The following SULF1 variants were observed in gnomAD, a reference collection of about 807,000 sequenced individuals.
SULF1 encodes extracellular sulfatase Sulf-1.
A neutral mutation model predicts 110.5 loss-of-function variants in SULF1; 46 were observed. That is an observed-to-expected ratio of 0.42 (90% CI 0.33 to 0.53). The LOEUF (loss-of-function observed/expected upper bound fraction) is 0.53, where lower values mean the gene tolerates loss of function less well. SULF1 is among the 20% of genes least tolerant of loss of function. SULF1 has a pLI of 0.12. For synonymous variants in SULF1, 371 were observed against 387.1 expected (o/e 0.96, Z 0.49); for missense variants, 941 against 1,094.2 (o/e 0.86, Z 1.98).
intron 1 of SULF1, among the ~76,000 whole-genome samples, chr8:69,469,672 C>A (rs543149464): frequency 2.0e-5 from 3 of 152,158 alleles, no homozygotes; most frequent in Non-Finnish European, 4.4e-5. Context: ...TATTTCCTTC[C>A]CTAATTATGT....
chr8:69,490,597 G>T (rs575060798), upstream of SULF1, among the ~76,000 whole-genome samples: 20 of 152,178 alleles, frequency 1.3e-4, no homozygotes, highest in East Asian at 2.1e-3. Context: ...CACTGCCAAG[G>T]TTCCTGAAGT....
chr8:69,561,582 A>C (rs1005131101), intron 3 of SULF1, among the ~76,000 whole-genome samples: 1 of 152,224 alleles, frequency 6.6e-6, no homozygotes, highest in Non-Finnish European at 1.5e-5. Context: ...TGATTATTTA[A>C]ACTCAAATGC....
Position 69,586,214 on chromosome 8 carries a change from C to T in SULF1, c.413-143C>T, listed in dbSNP as rs1806450615. The T allele has an allele frequency of 4.1e-6, 3 of 725,592 alleles. No homozygotes were observed. The East Asian group carries it at 8.6e-5, about 21-fold the overall frequency. 44.9% of individuals were successfully genotyped at this position (725,592 alleles called of 1,614,324 possible). A position where few individuals can be genotyped will look rare whatever the true frequency, so the allele number is the denominator to read the frequency against. On this transcript the variant is annotated intron_variant, in intron 6 of 22. Transcript: ENST00000402687. Reference sequence around the variant, plus strand: ...ACTTTGCCAAAGGATTGGAGTATTACACTAATGTCATTTTGGCATTCACTA... The same window carrying T: ...ACTTTGCCAAAGGATTGGAGTATTATACTAATGTCATTTTGGCATTCACTA...
At chr8:69,491,191 T>C (rs1398530851), upstream of SULF1, among the ~76,000 whole-genome samples, 2 of 152,154 alleles carry the variant, frequency 1.3e-5, no homozygotes, top group African/African-American at 4.8e-5. Flanking sequence ...ATGTTACTTT[T>C]ACCAAAAAAT....
At chr8:69,500,234 AT>A (rs1487781137) in intron 2 of SULF1, among the ~76,000 whole-genome samples, 2 of 152,212 alleles carry the variant, frequency 1.3e-5, no homozygotes, top group Non-Finnish European at 2.9e-5. Context: ...TTGAACCCTT[AT>A]TTTGTGCTAG....
At chr8:69,605,076 C>A in intron 13 of SULF1, 144 bp downstream of exon 13, 1 of 1,139,410 alleles carries the variant, frequency 8.8e-7, no homozygotes. Flanking sequence ...TGAGACACCT[C>A]TCCGCGGACA....
intron 3 of SULF1, among the ~76,000 whole-genome samples, chr8:69,548,997 A>G (rs1185479965): frequency 6.6e-6 from 1 of 152,148 alleles, no homozygotes; most frequent in Non-Finnish European, 1.5e-5. Context: ...AGGAGAGCGG[A>G]ACTTATACCC....
rs1197822345 is a variant in SULF1 at position 69,616,230 on chromosome 8, ATT to A, written c.1378-4799_1378-4798del. Among the ~76,000 whole-genome samples the A allele has an allele frequency of 3.0e-3, 416 of 139,992 alleles. 3 individuals carry two copies. Among genetic ancestry groups the A allele is most frequent in the Non-Finnish European group, 5.0e-3 (322 of 64,918 alleles). 91.8% of individuals were successfully genotyped at this position (139,992 alleles called of 152,430 possible). A position where few individuals can be genotyped will look rare whatever the true frequency, so the allele number is the denominator to read the frequency against. ...TGTGTGTATATATATATATATATATATTTTTTTGAGACGGAGTCTTGCTCTGT... is the reference window on the plus strand; with the variant it reads ...TGTGTGTATATATATATATATATATATTTTTGAGACGGAGTCTTGCTCTGT... On this transcript the variant is annotated intron_variant, in intron 13 of 22. Coordinates refer to ENST00000402687, the MANE Select transcript of SULF1 (RefSeq NM_001128205.2).
At chr8:69,580,859 T>A (rs1387398013) in intron 6 of SULF1, among the ~76,000 whole-genome samples, 2 of 152,188 alleles carry the variant, frequency 1.3e-5, no homozygotes, top group Non-Finnish European at 2.9e-5. Flanking sequence ...AATACAATAT[T>A]GGATCAAAAA....
chr8:69,581,821 C>T (rs1162704902), intron 6 of SULF1, among the ~76,000 whole-genome samples: 1 of 152,100 alleles, frequency 6.6e-6, no homozygotes, highest in Non-Finnish European at 1.5e-5. Flanking sequence ...GTCTCAATGT[C>T]ATGAGGCAAC....
chr8:69,653,547 G>C (rs1812513453), intron 22 of SULF1, among the ~76,000 whole-genome samples: 1 of 152,358 alleles, frequency 6.6e-6, no homozygotes. Context: ...ACGGCATGTG[G>C]TTGCATTCAC....
In SULF1 at chr8:69,554,987, AAAAAAAAAAAAC is replaced by A. The variant is rs1424751086; in HGVS notation, c.-133-8540_-133-8529del. Among the ~76,000 whole-genome samples, 147 of 100,776 alleles carry A rather than the reference AAAAAAAAAAAAC, an allele frequency of 1.5e-3. 1 individual carries two copies. The highest frequency in any genetic ancestry group is 5.9e-3 in the African/African-American group (122 of 20,854). The allele number at this position is 100,776 out of a possible 152,430, so 66.1% of individuals were successfully genotyped here. ...GGGCGAGATTCCATCTCAAAAAAAA[AAAAAAAAAAAAC>A]AAAAAAAAAAAACTTCATACATAAA... is the stretch of plus-strand genomic sequence containing the variant. On this transcript the variant is annotated intron_variant, in intron 3 of 22. Transcript: ENST00000402687.
chr8:69,578,504 TC>T (rs1347189699), intron 6 of SULF1, among the ~76,000 whole-genome samples: 2 of 70,240 alleles, frequency 2.8e-5, no homozygotes, highest in East Asian at 5.1e-4. Context: ...CCCTCCCCCC[TC>T]CCCCCACCCC....
At chr8:69,471,625 C>T (rs1272676265) in intron 1 of SULF1, among the ~76,000 whole-genome samples, 1 of 152,170 alleles carries the variant, frequency 6.6e-6, no homozygotes, top group Non-Finnish European at 1.5e-5. Context: ...GCTCTGGGTT[C>T]AAACAGACCT....
At chr8:69,552,638 C>G (rs769812285) in intron 3 of SULF1, among the ~76,000 whole-genome samples, 4 of 152,172 alleles carry the variant, frequency 2.6e-5, no homozygotes, top group Non-Finnish European at 5.9e-5. Flanking sequence ...ATTTGTGTAA[C>G]TACAGTTTTA....
chr8:69,473,576 A>G (rs1809183209), intron 1 of SULF1, among the ~76,000 whole-genome samples: 1 of 152,242 alleles, frequency 6.6e-6, no homozygotes, highest in Non-Finnish European at 1.5e-5. Flanking sequence ...CAATCAATTC[A>G]TGAGCAAGCC....
chr8:69,596,753 A>G lies in SULF1; in HGVS notation c.735-3850A>G, dbSNP rs142664734. Among the ~76,000 whole-genome samples, 600 of 152,260 alleles carry G rather than the reference A, an allele frequency of 3.9e-3. 1 individual carries two copies. The highest frequency in any genetic ancestry group is 6.6e-3 in the Non-Finnish European group (447 of 68,022). ...TGCACTTTACTTCCTCATTTGTAAC[A>G]TGGGACTAATGTGCCCTGCTGAGTC... is the stretch of plus-strand genomic sequence containing the variant. On this transcript the variant is annotated intron_variant, in intron 8 of 22. Transcript: ENST00000402687.
At chr8:69,626,693 C>T (rs1810077368) in intron 15 of SULF1, among the ~76,000 whole-genome samples, 1 of 152,224 alleles carries the variant, frequency 6.6e-6, no homozygotes, top group Non-Finnish European at 1.5e-5. Flanking sequence ...ACTGCTGGTA[C>T]CTCCGCAGCC....
At position 69,601,780 on chromosome 8, in the gene SULF1, A is replaced by G. The variant is rs546605898; in HGVS notation, c.1012A>G (p.Ile338Val). The G allele has an allele frequency of 6.2e-7, 1 of 1,611,914 alleles. No individual in the cohort carries two copies. The highest frequency in any genetic ancestry group is 2.2e-5 in the East Asian group (1 of 44,766). The change falls in exon 10 of 23, where the codon ATT (isoleucine) becomes GTT (valine). Residue 338 changes from isoleucine (I) to valine (V), a missense_variant. By Grantham distance (29) the Ile-to-Val change is conservative. Transcript: ENST00000402687. ...GAAATCCATGCCATATGACTTTGATATTCGTGTGCCTTTTTTTATTCGTGG... is the reference window on the plus strand; with the variant it reads ...GAAATCCATGCCATATGACTTTGATGTTCGTGTGCCTTTTTTTATTCGTGG... ...KGKSMPYDFD[I>V]RVPFFIRGPS...
Sources: gnomAD v4.1 joint callset for allele counts (sites outside exome capture counted in the v4.1 genomes callset) on GRCh38, gnomAD v4.1.1 for gene constraint, MANE v1.5 for transcripts, NCBI Gene and HGNC (gene_info 2026-07-23, HGNC 2026-07-21) for gene names.